Variants in TMEM132C observed in about 807,000 individuals in gnomAD.
TMEM132C encodes protein phosphatase 1, regulatory subunit 152.
TMEM132C carries 29 observed loss-of-function variants against 61.4 expected under a neutral mutation model. The ratio of observed to expected loss-of-function variants is 0.47; its 90% CI spans 0.35 to 0.64. The LOEUF (loss-of-function observed/expected upper bound fraction) is 0.64, where lower values mean the gene tolerates loss of function less well. Ranked by LOEUF, TMEM132C falls within the 30% of genes least tolerant of loss-of-function variation. The pLI is 0.00. For missense variants in TMEM132C, 1,408 were observed against 1,476.9 expected (o/e 0.95, Z 0.76); for synonymous variants, 656 against 633.1 (o/e 1.04, Z -0.54).
rs539622731 is a variant in TMEM132C at position 128,543,262 on chromosome 12, C to T, written c.975-695C>T. Among the ~76,000 whole-genome samples, 8 of 152,260 alleles carry T rather than the reference C, an allele frequency of 5.3e-5. No homozygotes were observed. In the South Asian group the frequency reaches 1.2e-3, roughly 24 times the overall value. ...TATTAAGTGTGTATTGTATGCCTGGCGCTGCTCTTGTTCTAATCTCTTTAC... is the reference window on the plus strand; with the variant it reads ...TATTAAGTGTGTATTGTATGCCTGGTGCTGCTCTTGTTCTAATCTCTTTAC... On this transcript the variant is annotated intron_variant, in intron 2 of 8. Transcript: ENST00000435159.
intron 2 of TMEM132C, among the ~76,000 whole-genome samples, chr12:128,471,860 A>G (rs1364070240): frequency 6.6e-6 from 1 of 152,232 alleles, no homozygotes; most frequent in Non-Finnish European, 1.5e-5. Flanking sequence ...GTTGAATAAC[A>G]TAAATAAAAT....
intron 3 of TMEM132C, among the ~76,000 whole-genome samples, chr12:128,561,360 C>G (rs1409232001): frequency 1.3e-5 from 2 of 152,110 alleles, no homozygotes; most frequent in Admixed American, 6.5e-5. Context: ...CAGAGACTTG[C>G]AGGGAGCAGG....
At chr12:128,565,854 CATAAT>C (rs1279438607) in intron 3 of TMEM132C, among the ~76,000 whole-genome samples, 1 of 143,270 alleles carries the variant, frequency 7.0e-6, no homozygotes, top group Non-Finnish European at 1.5e-5. Flanking sequence ...AGGTCAGTAA[CATAAT>C]ATAATCTAAA....
chr12:128,296,311 C>T (rs954503996), intron 1 of TMEM132C, among the ~76,000 whole-genome samples: 1 of 152,190 alleles, frequency 6.6e-6, no homozygotes, highest in Non-Finnish European at 1.5e-5. Context: ...AAAGCAACTC[C>T]AGAAGTAGGG....
intron 2 of TMEM132C, among the ~76,000 whole-genome samples, chr12:128,456,987 T>C (rs1232752388): frequency 1.3e-5 from 2 of 152,212 alleles, no homozygotes; most frequent in Non-Finnish European, 2.9e-5. Flanking sequence ...TGTGTGAGTA[T>C]ATCATTCCTC....
chr12:128,326,784 C>A lies in TMEM132C; in HGVS notation c.85+59297C>A, dbSNP rs571693804. Among the ~76,000 whole-genome samples the A allele has an allele frequency of 7.2e-6, 1 of 139,098 alleles. No individual in the cohort carries two copies. Among genetic ancestry groups the A allele is most frequent in the South Asian group, 2.1e-4 (1 of 4,796 alleles). 91.3% of individuals were successfully genotyped at this position (139,098 alleles called of 152,430 possible). On this transcript the variant is annotated intron_variant, in intron 1 of 8. Transcript: ENST00000435159. This position sits in a 1 kb window ranked among gnomAD's most constrained non-coding sequence, Gnocchi z 5.6. ...CTTTATGGCTCCCACATCTCGTTACCGACTTCACAATATTTTTTTTTTCTT... is the reference window on the plus strand; with the variant it reads ...CTTTATGGCTCCCACATCTCGTTACAGACTTCACAATATTTTTTTTTTCTT...
At chr12:128,612,875 A>T (rs1876681484) in intron 3 of TMEM132C, among the ~76,000 whole-genome samples, 2 of 152,176 alleles carry the variant, frequency 1.3e-5, no homozygotes, top group Admixed American at 1.3e-4. Flanking sequence ...GCAGAATTGC[A>T]GTGGAGGAGG....
chr12:128,671,981 G>A lies in TMEM132C; in HGVS notation c.1449+2421G>A, dbSNP rs190913501. On this transcript the variant is annotated intron_variant, in intron 5 of 8. Transcript: ENST00000435159. ...TGGAAACACAATGTGAGCCACATATGAAATTTTAAATTTTCTAATAGCCAC... is the reference window on the plus strand; with the variant it reads ...TGGAAACACAATGTGAGCCACATATAAAATTTTAAATTTTCTAATAGCCAC... Among the ~76,000 whole-genome samples the A allele has an allele frequency of 1.2e-4, 19 of 152,272 alleles. No individual in the cohort carries two copies. The East Asian group carries it at 3.5e-3, about 28-fold the overall frequency.
At chr12:128,695,258 G>T (rs1035177044) in intron 6 of TMEM132C, among the ~76,000 whole-genome samples, 1 of 152,098 alleles carries the variant, frequency 6.6e-6, no homozygotes, top group African/African-American at 2.4e-5. Context: ...GGTAGTTCAG[G>T]ACTGTAATCC....
chr12:128,301,883 C>T (rs529612767), intron 1 of TMEM132C, among the ~76,000 whole-genome samples: 2 of 152,202 alleles, frequency 1.3e-5, no homozygotes, highest in South Asian at 2.1e-4. Context: ...TGGCGGAAGG[C>T]AAAAGGCACA....
At chr12:128,275,107 G>GA (rs1230804007) in intron 1 of TMEM132C, among the ~76,000 whole-genome samples, 2 of 152,122 alleles carry the variant, frequency 1.3e-5, no homozygotes, top group Non-Finnish European at 2.9e-5. Flanking sequence ...TGTATGTAGT[G>GA]AAAAAATAAA....
chr12:128,582,568 G>A (rs1875383610), intron 3 of TMEM132C, among the ~76,000 whole-genome samples: 1 of 152,054 alleles, frequency 6.6e-6, no homozygotes, highest in Admixed American at 6.6e-5. Flanking sequence ...AATCATGGGG[G>A]CAGTTTCCCC....
intron 1 of TMEM132C, among the ~76,000 whole-genome samples, chr12:128,336,433 A>G (rs542487485): frequency 6.6e-6 from 1 of 152,314 alleles, no homozygotes; most frequent in Non-Finnish European, 1.5e-5. Flanking sequence ...TAGTTAAGTA[A>G]TCATATGATG....
intron 2 of TMEM132C, among the ~76,000 whole-genome samples, chr12:128,527,236 C>T (rs1593086646): frequency 6.6e-6 from 1 of 152,258 alleles, no homozygotes; most frequent in Admixed American, 6.5e-5. Flanking sequence ...AGATGAATTC[C>T]TGGGGCACTG....
At chr12:128,473,089 ATCACTCCAGACTCTGTCTTCATCT>A (rs1871003370) in intron 2 of TMEM132C, among the ~76,000 whole-genome samples, 2 of 32,796 alleles carry the variant, frequency 6.1e-5, no homozygotes, top group African/African-American at 2.0e-4. Context: ...TTGTGGCAGC[ATCACTCCAGACTCTGTCTTCATCT>A]TCACTCCAGC....
Position 128,641,961 on chromosome 12 carries a change from A to ATTT in TMEM132C, c.1305+25643_1305+25645dup, listed in dbSNP as rs34283461. On this transcript the variant is annotated intron_variant, in intron 4 of 8. Transcript: ENST00000435159. ...AGGTGTGCACCACCATGCCCGGCTA[A>ATTT]TTTTTTTTTTTTTTTTTTTGTATTT... is the stretch of plus-strand genomic sequence containing the variant. 4.6e-4 allele frequency among the ~76,000 whole-genome samples: 59 copies of ATTT among 128,730 alleles called. 1 individual carries two copies. Among genetic ancestry groups the ATTT allele is most frequent in the Non-Finnish European group, 7.5e-4 (46 of 61,376 alleles). 84.5% of individuals were successfully genotyped at this position (128,730 alleles called of 152,430 possible).
intron 1 of TMEM132C, among the ~76,000 whole-genome samples, chr12:128,382,304 G>A (rs912264902): frequency 6.6e-6 from 1 of 152,152 alleles, no homozygotes; most frequent in East Asian, 1.9e-4. Flanking sequence ...TGCACAGACT[G>A]CCACTGTAGG....
At chr12:128,604,952 G>T (rs1876366191) in intron 3 of TMEM132C, among the ~76,000 whole-genome samples, 1 of 147,492 alleles carries the variant, frequency 6.8e-6, no homozygotes, top group African/African-American at 2.5e-5. Context: ...TAAATAGATG[G>T]ATAGATAAAT....
chr12:128,605,892 T>C (rs1000832267), intron 3 of TMEM132C, among the ~76,000 whole-genome samples: 5 of 152,248 alleles, frequency 3.3e-5, no homozygotes, highest in African/African-American at 1.2e-4. Flanking sequence ...AGAGCCTCCA[T>C]GCACCCTAGT....
Sources: allele counts gnomAD v4.1 joint callset (sites outside exome capture counted in the v4.1 genomes callset), GRCh38; gene constraint gnomAD v4.1.1; non-coding constraint Gnocchi (gnomAD v3.1); transcripts MANE v1.5; gene names NCBI Gene and HGNC (gene_info 2026-07-23, HGNC 2026-07-21).